The following DBI variants were observed in gnomAD, a reference collection of about 807,000 sequenced individuals.
The protein encoded by DBI is diazepam binding inhibitor, acyl-CoA binding protein.
In DBI, 12 loss-of-function variants were observed where a neutral mutation model predicts 13.0. The observed-to-expected ratio is 0.92, with a 90% confidence interval of 0.59 to 1.49. The LOEUF (loss-of-function observed/expected upper bound fraction) is 1.49, where lower values mean the gene tolerates loss of function less well. Ranked by LOEUF, DBI falls within the 40% of genes most tolerant of loss-of-function variation. The pLI, the probability that DBI is intolerant of heterozygous loss-of-function variation, is 0.00. For synonymous variants in DBI, 37 were observed against 37.4 expected, an observed-to-expected ratio of 0.99 and a Z score of 0.04; for missense variants, 95 against 104.8, an observed-to-expected ratio of 0.91 and a Z score of 0.41.
chr2:119,367,000 C>A lies in DBI; in HGVS notation c.-52C>A. 1 of 1,612,784 alleles carries A rather than the reference C, an allele frequency of 6.2e-7. No homozygotes were observed. The highest frequency in any genetic ancestry group is 8.5e-7 in the Non-Finnish European group (1 of 1,179,100). ...CCAGTGCAATCTGGGCGATCGCTTCCTGGTCCTCGCCTCCTCCGCTGTCTC... is the reference window on the plus strand; with the variant it reads ...CCAGTGCAATCTGGGCGATCGCTTCATGGTCCTCGCCTCCTCCGCTGTCTC... On this transcript the variant is annotated 5_prime_UTR_variant, in exon 1 of 4. In the 5' UTR this introduces an upstream ATG that the reference lacks. Coordinates refer to ENST00000355857, the MANE Select transcript of DBI (RefSeq NM_001079862.4).
Position 119,372,232 on chromosome 2 carries a change from C to A in DBI, c.191-13C>A. 6.2e-7 allele frequency: 1 copy of A among 1,607,746 alleles called. No homozygotes were observed. The highest frequency in any genetic ancestry group is 1.1e-5 in the South Asian group (1 of 90,890). ...CTACCTCCCTGACACATAATCCTGT[C>A]GATTCCTTACAGGGACTTCCAAGGA... On this transcript the variant is annotated splice_polypyrimidine_tract_variant and intron_variant, in intron 3 of 3. Coordinates refer to ENST00000355857, the MANE Select transcript of DBI (RefSeq NM_001079862.4).
At chr2:119,369,128 C>T (rs1681326646) in intron 2 of DBI, among the ~76,000 whole-genome samples, 2 of 152,120 alleles carry the variant, frequency 1.3e-5, no homozygotes, top group South Asian at 2.1e-4. Context: ...CCATATCAAA[C>T]CCTGGGGTTC....
rs191334574 is a variant in DBI at position 119,369,453 on chromosome 2, A to G, written c.127+1148A>G. Among the ~76,000 whole-genome samples, 50 of 152,322 alleles carry G rather than the reference A, an allele frequency of 3.3e-4. 1 individual carries two copies. Among genetic ancestry groups the G allele is most frequent in the Non-Finnish European group, 6.3e-4 (43 of 68,018 alleles). ...TATAAAACATGATAGTCCAAACACG[A>G]TAGTTTAGTATAATAGCCAGTAGCC... On this transcript the variant is annotated intron_variant, in intron 2 of 3. Transcript: ENST00000355857.
At chr2:119,367,623 C>CAAT in intron 1 of DBI, 2 of 1,612,666 alleles carry the variant, frequency 1.2e-6, no homozygotes, top group African/African-American at 2.7e-5. Flanking sequence ...CTGCCTCTGC[C>CAAT]AATCCGGGCA....
In DBI at chr2:119,367,044, C is replaced by G. The variant is rs375206897; in HGVS notation, c.-8C>G. The G allele has an allele frequency of 6.2e-7, 1 of 1,614,082 alleles. No homozygotes were observed. The highest frequency in any genetic ancestry group is 1.7e-5 in the Admixed American group (1 of 60,020). On this transcript the variant is annotated 5_prime_UTR_variant, in exon 1 of 4. Coordinates refer to ENST00000355857, the MANE Select transcript of DBI (RefSeq NM_001079862.4). Reference sequence around the variant, plus strand: ...CTGTCTCCCTGGAGTTCTTGCAAGTCGGCCAGGATGTCTCAGGTACAGCGC... The same window carrying G: ...CTGTCTCCCTGGAGTTCTTGCAAGTGGGCCAGGATGTCTCAGGTACAGCGC...
At chr2:119,370,713 C>T (rs757027950) in intron 2 of DBI, 27 bp from the exon 3 acceptor site, 23 of 1,609,178 alleles carry the variant, frequency 1.4e-5, no homozygotes, top group Non-Finnish European at 1.8e-5. Context: ...TGAACCAGAT[C>T]TAATGCCTTT....
Position 119,367,624 on chromosome 2 carries a change from A to C in DBI, c.9+564A>C, listed in dbSNP as rs199503441. 5.3e-5 allele frequency: 85 copies of C among 1,613,898 alleles called. 1 individual carries two copies. Among genetic ancestry groups the C allele is most frequent in the Non-Finnish European group, 6.8e-5 (80 of 1,179,920 alleles). ...CTGGCTCCTCCCGCCTGCCTCTGCCAATCCGGGCACTGGGACAGAGGTCGG... is the reference window on the plus strand; with the variant it reads ...CTGGCTCCTCCCGCCTGCCTCTGCCCATCCGGGCACTGGGACAGAGGTCGG... On this transcript the variant is annotated intron_variant, in intron 1 of 3. Coordinates refer to ENST00000355857, the MANE Select transcript of DBI (RefSeq NM_001079862.4).
At position 119,370,695 on chromosome 2, in the gene DBI, T is replaced by C. The variant is rs370119417; in HGVS notation, c.128-45T>C. On this transcript the variant is annotated intron_variant, in intron 2 of 3. Coordinates refer to ENST00000355857, the MANE Select transcript of DBI (RefSeq NM_001079862.4). ...GCAAGAAGGTTGATCAAGTTCTCCA[T>C]TAGAATTTGAACCAGATCTAATGCC... is the stretch of plus-strand genomic sequence containing the variant. 1.9e-6 allele frequency: 3 copies of C among 1,563,008 alleles called. No homozygotes were observed. In the African/African-American group the frequency reaches 4.1e-5, roughly 21 times the overall value.
intron 1 of DBI, chr2:119,367,630 G>T (rs770291013): frequency 1.9e-6 from 3 of 1,614,020 alleles, no homozygotes; most frequent in Middle Eastern, 3.3e-4. Context: ...TGCCAATCCG[G>T]GCACTGGGAC....
At position 119,368,264 on chromosome 2, in the gene DBI, A is replaced by G. The variant is rs764581340; in HGVS notation, c.86A>G (p.Tyr29Cys). 3 of 1,613,956 alleles carry G rather than the reference A, an allele frequency of 1.9e-6. No individual in the cohort carries two copies. The highest frequency in any genetic ancestry group is 2.5e-6 in the Non-Finnish European group (3 of 1,179,832). The change falls in exon 2 of 4, where the codon TAT becomes TGT. Residue 29 changes from tyrosine to cysteine, a missense_variant. Coordinates refer to ENST00000355857, the MANE Select transcript of DBI (RefSeq NM_001079862.4). ...KPSDEEMLFI[Y>C]GHYKQATVGD... Reference sequence around the variant, plus strand: ...TCGGATGAGGAGATGCTGTTCATCTATGGCCACTACAAACAAGCAACTGTG... The same window carrying G: ...TCGGATGAGGAGATGCTGTTCATCTGTGGCCACTACAAACAAGCAACTGTG...
chr2:119,367,254 G>C, intron 1 of DBI, 194 bp downstream of exon 1: 1 of 1,437,018 alleles, frequency 7.0e-7, no homozygotes, highest in South Asian at 1.5e-5. Context: ...TAAATCTGCT[G>C]CCCACCCCGC....
At chr2:119,367,720 G>T (rs771495324) in intron 1 of DBI, 194 of 1,609,922 alleles carry the variant, frequency 1.2e-4, no homozygotes, top group Non-Finnish European at 1.4e-4. Context: ...CGGCACTCAT[G>T]CCCTGTCCCC....
At chr2:119,370,835 A>G (rs1681464567) in intron 3 of DBI, 33 bp downstream of exon 3, 3 of 1,588,122 alleles carry the variant, frequency 1.9e-6, no homozygotes, top group Non-Finnish European at 2.6e-6. Context: ...CTCATTTGTG[A>G]AACCCAGTAG....
intron 1 of DBI, chr2:119,367,431 G>A (rs751439597): frequency 2.7e-5 from 41 of 1,532,084 alleles, no homozygotes; most frequent in Non-Finnish European, 3.5e-5. Context: ...GGCGGAGTGG[G>A]GAAGCGAGGA....
In DBI at chr2:119,372,373, T is replaced by C; in HGVS notation, c.*55T>C. The C allele has an allele frequency of 7.3e-7, 1 of 1,361,056 alleles. No individual in the cohort carries two copies. The highest frequency in any genetic ancestry group is 1.1e-6 in the Non-Finnish European group (1 of 950,826). 84.3% of individuals were successfully genotyped at this position (1,361,056 alleles called of 1,614,324 possible). A position where few individuals can be genotyped will look rare whatever the true frequency, so the allele number is the denominator to read the frequency against. ...TTTATCCTAAACTGAGACAATGCCT[T>C]GTTTTTTTCTAATACCGTGGATGGT... On this transcript the variant is annotated 3_prime_UTR_variant, in exon 4 of 4. Coordinates refer to ENST00000355857, the MANE Select transcript of DBI (RefSeq NM_001079862.4).
chr2:119,368,997 G>A (rs1409754399), intron 2 of DBI, among the ~76,000 whole-genome samples: 3 of 152,200 alleles, frequency 2.0e-5, no homozygotes, highest in African/African-American at 7.2e-5. Context: ...CCCTGCTGAG[G>A]AAGAAGGCGA....
chr2:119,368,241 G>C lies in DBI; in HGVS notation c.63G>C (p.Ser21=), dbSNP rs369147541. The part of the protein sequence containing the change: ...EEVRHLKTKP[S]DEEMLFIYGH... Reference sequence around the variant, plus strand: ...TTAGGCACCTTAAGACCAAGCCATCGGATGAGGAGATGCTGTTCATCTATG... The same window carrying C: ...TTAGGCACCTTAAGACCAAGCCATCCGATGAGGAGATGCTGTTCATCTATG... Residue 21 remains serine (S), a synonymous_variant, in exon 2 of 4, where the codon TCG becomes TCC. Coordinates refer to ENST00000355857, the MANE Select transcript of DBI (RefSeq NM_001079862.4). The C allele has an allele frequency of 2.5e-5, 40 of 1,613,974 alleles. No individual in the cohort carries two copies. In the East Asian group the frequency reaches 4.5e-4, roughly 18 times the overall value.
chr2:119,370,684 C>T (rs1573726721), intron 2 of DBI, 56 bp from the exon 3 acceptor site: 1 of 1,521,830 alleles, frequency 6.6e-7, no homozygotes, highest in East Asian at 2.3e-5. Flanking sequence ...GAAGGTTGAT[C>T]AAGTTCTCCA....
rs758114328 is a variant in DBI at position 119,372,312 on chromosome 2, G to A, written c.258G>A (p.Gly86=). ...TAGAAGAGCTAAAGAAAAAATACGG[G>A]ATATGAGAGACTGGATTTGGTTACT... The part of the protein sequence containing the change: ...NKVEELKKKY[G]I Residue 86 remains glycine, a synonymous_variant, in exon 4 of 4, where the codon GGG becomes GGA. Coordinates refer to ENST00000355857, the MANE Select transcript of DBI (RefSeq NM_001079862.4). The A allele has an allele frequency of 6.2e-7, 1 of 1,611,208 alleles. No homozygotes were observed. The highest frequency in any genetic ancestry group is 1.1e-5 in the South Asian group (1 of 90,966).
Sources: allele counts gnomAD v4.1 joint callset (sites outside exome capture counted in the v4.1 genomes callset), GRCh38; gene constraint gnomAD v4.1.1; transcripts MANE v1.5; gene names NCBI Gene and HGNC (gene_info 2026-07-23, HGNC 2026-07-21).